CACNA2D3: variants seen among roughly 807,000 people sequenced by gnomAD.
The protein encoded by CACNA2D3 is voltage-dependent calcium channel subunit alpha-2/delta-3.
CACNA2D3 carries 60 observed loss-of-function variants against 160.6 expected under a neutral mutation model. The observed-to-expected ratio is 0.37, with a 90% CI of 0.30 to 0.46. CACNA2D3 has a LOEUF of 0.46. Ranked by LOEUF, CACNA2D3 falls within the 20% of genes least tolerant of loss-of-function variation. The probability of loss-of-function intolerance (pLI) is 1.00; values close to 1 mark genes in which losing one functional copy is unlikely to be tolerated. For synonymous variants in CACNA2D3, 558 were observed against 492.9 expected (o/e 1.13, Z -1.75); for missense variants, 1,205 against 1,365.0 (o/e 0.88, Z 1.85).
intron 35 of CACNA2D3, among the ~76,000 whole-genome samples, chr3:55,044,936 G>C (rs1704043451): frequency 6.6e-6 from 1 of 151,982 alleles, no homozygotes; most frequent in Non-Finnish European, 1.5e-5. Flanking sequence ...TTGGATTCTT[G>C]GGGTAAACCA....
At position 55,052,615 on chromosome 3, in the gene CACNA2D3, T is replaced by C. The variant is rs528815820; in HGVS notation, c.2988-20830T>C. ...CTCCAACTGTAATTGTAGATTTGTT[T>C]ATTTCTCTTTCAATGTGTATTCATT... is the stretch of plus-strand genomic sequence containing the variant. On this transcript the variant is annotated intron_variant, in intron 35 of 37. Coordinates refer to ENST00000474759, the MANE Select transcript of CACNA2D3 (RefSeq NM_018398.3). Among the ~76,000 whole-genome samples the C allele has an allele frequency of 2.6e-4, 39 of 152,294 alleles. 1 individual carries two copies. In the South Asian group the frequency reaches 5.4e-3, roughly 21 times the overall value.
chr3:54,861,048 T>C (rs1699280790), intron 17 of CACNA2D3, among the ~76,000 whole-genome samples: 1 of 152,216 alleles, frequency 6.6e-6, no homozygotes, highest in South Asian at 2.1e-4. Context: ...TGCCAGGCAC[T>C]GTCCTAGGCA....
rs1463597999 is a variant in CACNA2D3 at position 54,957,141 on chromosome 3, A to G, written c.2450-11309A>G. On this transcript the variant is annotated intron_variant, in intron 27 of 37. Transcript: ENST00000474759. Reference sequence around the variant, plus strand: ...ATGATTACTATGTGATATAATTCCTATGAATCAAGTTATAAAATAATTTTC... The same window carrying G: ...ATGATTACTATGTGATATAATTCCTGTGAATCAAGTTATAAAATAATTTTC... Among the ~76,000 whole-genome samples the G allele has an allele frequency of 2.0e-5, 3 of 149,918 alleles. No homozygotes were observed. The East Asian group carries it at 6.0e-4, about 30-fold the overall frequency.
chr3:54,132,931 G>A (rs1451744864), intron 2 of CACNA2D3, among the ~76,000 whole-genome samples: 1 of 152,168 alleles, frequency 6.6e-6, no homozygotes, highest in Non-Finnish European at 1.5e-5. Flanking sequence ...ATGAGAAGAT[G>A]CATGCAGGAT....
At chr3:54,175,199 T>G (rs1230126859) in intron 2 of CACNA2D3, among the ~76,000 whole-genome samples, 1 of 152,158 alleles carries the variant, frequency 6.6e-6, no homozygotes, top group Non-Finnish European at 1.5e-5. Flanking sequence ...TTAAAATGCT[T>G]TTGAAGTGAA....
chr3:54,193,051 G>A (rs1235733173), intron 2 of CACNA2D3, among the ~76,000 whole-genome samples: 1 of 152,230 alleles, frequency 6.6e-6, no homozygotes, highest in East Asian at 1.9e-4. Flanking sequence ...ACCTTGGCCA[G>A]GCGCTCTGCT....
intron 11 of CACNA2D3, among the ~76,000 whole-genome samples, chr3:54,658,914 A>T (rs1477104623): frequency 6.6e-6 from 1 of 151,786 alleles, no homozygotes. Context: ...TGCGCAGCCC[A>T]CTGTTCTCAG....
intron 2 of CACNA2D3, among the ~76,000 whole-genome samples, chr3:54,131,326 A>T (rs2107253191): frequency 6.6e-6 from 1 of 152,312 alleles, no homozygotes; most frequent in South Asian, 2.1e-4. Context: ...CCTAGAGATC[A>T]GCTCCCTTCT....
At chr3:54,908,263 C>T (rs1281091051) in intron 27 of CACNA2D3, among the ~76,000 whole-genome samples, 1 of 152,172 alleles carries the variant, frequency 6.6e-6, no homozygotes. Context: ...GAAGTGATTT[C>T]TATTTCCCTA....
chr3:54,402,479 G>T (rs1300045034), intron 4 of CACNA2D3, among the ~76,000 whole-genome samples: 2 of 152,064 alleles, frequency 1.3e-5, no homozygotes, highest in Non-Finnish European at 2.9e-5. Flanking sequence ...AAAGAGCAGG[G>T]CTGGCTATAC....
chr3:54,179,021 A>G (rs1318133170), intron 2 of CACNA2D3, among the ~76,000 whole-genome samples: 2 of 152,130 alleles, frequency 1.3e-5, no homozygotes, highest in African/African-American at 2.4e-5. Context: ...AGTACCCAGC[A>G]CTGCCTCTGC....
At chr3:55,035,365 G>A (rs947133626) in intron 35 of CACNA2D3, among the ~76,000 whole-genome samples, 2 of 152,156 alleles carry the variant, frequency 1.3e-5, no homozygotes, top group Non-Finnish European at 2.9e-5. Context: ...GGGAGTTGCA[G>A]AAAAACGAGC....
rs7633035 is a variant in CACNA2D3 at position 55,067,513 on chromosome 3, A to G, written c.2988-5932A>G. Among the ~76,000 whole-genome samples the G allele has an allele frequency of 1.8e-3, 276 of 152,330 alleles. 3 individuals are homozygous for G. Among genetic ancestry groups the G allele is most frequent in the African/African-American group, 6.4e-3 (265 of 41,570 alleles). On this transcript the variant is annotated intron_variant, in intron 35 of 37. Coordinates refer to ENST00000474759, the MANE Select transcript of CACNA2D3 (RefSeq NM_018398.3). Reference sequence around the variant, plus strand: ...GAGTTTCAGTTTTCTCTTTTGTAAAATGGGCTTGACCCTCACAGTTCACTT... The same window carrying G: ...GAGTTTCAGTTTTCTCTTTTGTAAAGTGGGCTTGACCCTCACAGTTCACTT...
Position 54,181,628 on chromosome 3 carries a change from CAG to C in CACNA2D3, c.204+58035_204+58036del, listed in dbSNP as rs1371464253. Reference sequence around the variant, plus strand: ...TGACTTGCTTCATTTTCACAGCTGACAGGGGCAGAGTCAGGATTTGAACCCAT... The same window carrying C: ...TGACTTGCTTCATTTTCACAGCTGACGGGCAGAGTCAGGATTTGAACCCAT... On this transcript the variant is annotated intron_variant, in intron 2 of 37. Transcript: ENST00000474759. Among the ~76,000 whole-genome samples the C allele has an allele frequency of 5.3e-5, 8 of 152,208 alleles. No homozygotes were observed. In the South Asian group the frequency reaches 1.0e-3, roughly 20 times the overall value.
chr3:54,580,623 C>T (rs185595250), intron 8 of CACNA2D3, among the ~76,000 whole-genome samples: 1 of 152,306 alleles, frequency 6.6e-6, no homozygotes, highest in East Asian at 1.9e-4. Context: ...GGTCCTCAGG[C>T]ACCTACTGTG....
At chr3:54,154,621 A>G (rs1700210176) in intron 2 of CACNA2D3, among the ~76,000 whole-genome samples, 1 of 152,088 alleles carries the variant, frequency 6.6e-6, no homozygotes, top group African/African-American at 2.4e-5. Flanking sequence ...AAGGACAGGC[A>G]TCAGTGTCTC....
intron 34 of CACNA2D3, among the ~76,000 whole-genome samples, chr3:55,010,418 A>G (rs1703183111): frequency 6.6e-6 from 1 of 152,198 alleles, no homozygotes; most frequent in Non-Finnish European, 1.5e-5. Flanking sequence ...AAATAAAAGA[A>G]AGAGTATCCG....
intron 4 of CACNA2D3, among the ~76,000 whole-genome samples, chr3:54,460,572 T>C (rs969778100): frequency 2.0e-5 from 3 of 152,212 alleles, no homozygotes; most frequent in Non-Finnish European, 2.9e-5. Context: ...TTTGGCTCTC[T>C]GTTTGTCCAT....
chr3:54,790,394 A>T (rs888648333), intron 13 of CACNA2D3, among the ~76,000 whole-genome samples: 1 of 152,214 alleles, frequency 6.6e-6, no homozygotes. Context: ...TTTAGCATCC[A>T]TGTGAAAAGG....
Sources: gnomAD v4.1 joint callset for allele counts (sites outside exome capture counted in the v4.1 genomes callset) on GRCh38, gnomAD v4.1.1 for gene constraint, MANE v1.5 for transcripts, NCBI Gene and HGNC (gene_info 2026-07-23, HGNC 2026-07-21) for gene names.